CCL19: variants seen among roughly 807,000 people sequenced by gnomAD.
CCL19 encodes the protein C-C motif chemokine ligand 19, also known as C-C motif chemokine 19.
CCL19 carries 5 observed loss-of-function variants against 9.7 expected under a neutral mutation model. That is an observed-to-expected ratio of 0.51 (90% confidence interval 0.27 to 1.08). The LOEUF (loss-of-function observed/expected upper bound fraction) is 1.08. Among genes scored for constraint, CCL19 ranks in the 50% least tolerant of loss-of-function variants. The pLI is 0.12. For synonymous variants in CCL19, 40 were observed against 47.4 expected (o/e 0.84, Z 0.64); for missense variants, 90 against 122.5 (o/e 0.73, Z 1.25).
At chr9:34,690,126 G>C in intron 2 of CCL19, 84 bp downstream of exon 2, 1 of 1,588,860 alleles carries the variant, frequency 6.3e-7, no homozygotes, top group African/African-American at 1.3e-5. Context: ...GTTGGGCTTG[G>C]CATGGAGAAG....
Position 34,689,966 on chromosome 9 carries a change from TTCTACCCAGGGCTGG to T in CCL19, c.225_239del (p.Asp75_Val79del), listed in dbSNP as rs1226201256. 6.2e-7 allele frequency: 1 copy of T among 1,614,022 alleles called. No individual in the cohort carries two copies. The highest frequency in any genetic ancestry group is 8.5e-7 in the Non-Finnish European group (1 of 1,179,986). ...TCCTCTGCAGTCTCTGGATGATGCG[TTCTACCCAGGGCTGG>T]TCTGGGGGTGCACAGAGCTGGCGGC... is the stretch of plus-strand genomic sequence containing the variant. On this transcript the variant is annotated inframe_deletion, in exon 3 of 4. Coordinates refer to ENST00000311925, the MANE Select transcript of CCL19 (RefSeq NM_006274.3). The surrounding 1 kb of genome is among the most constrained non-coding windows in gnomAD (Gnocchi z 4.1).
In CCL19 at chr9:34,691,116, G is replaced by A; in HGVS notation, c.24C>T (p.Ser8=). The change falls in exon 1 of 4, where the codon AGC becomes AGT. Residue 8 remains serine (S), a synonymous_variant. Transcript: ENST00000311925. MALLLAL[S]LLVLWTSPAP... Reference sequence around the variant, plus strand: ...CTGGGGAAGTCCAGAGAACCAGCAGGCTGAGGGCCAGTAGCAGGGCCATGG... The same window carrying A: ...CTGGGGAAGTCCAGAGAACCAGCAGACTGAGGGCCAGTAGCAGGGCCATGG... The A allele has an allele frequency of 6.2e-7, 1 of 1,613,084 alleles. No individual in the cohort carries two copies. The highest frequency in any genetic ancestry group is 8.5e-7 in the Non-Finnish European group (1 of 1,179,640).
chr9:34,689,710 G>T lies in CCL19; in HGVS notation c.*109C>A. 1 of 1,308,892 alleles carries T rather than the reference G, an allele frequency of 7.6e-7. No individual in the cohort carries two copies. The highest frequency in any genetic ancestry group is 1.1e-6 in the Non-Finnish European group (1 of 916,972). 81.1% of individuals were successfully genotyped at this position (1,308,892 alleles called of 1,614,324 possible). On this transcript the variant is annotated 3_prime_UTR_variant, in exon 4 of 4. Transcript: ENST00000311925. This position sits in a 1 kb window ranked among gnomAD's most constrained non-coding sequence, Gnocchi z 4.1. ...CCTGTCCTGGCTGGTCAGGTCTGGTGCAGAGGAGCTGGAAGCCTGGTCCTT... is the reference window on the plus strand; with the variant it reads ...CCTGTCCTGGCTGGTCAGGTCTGGTTCAGAGGAGCTGGAAGCCTGGTCCTT...
intron 1 of CCL19, 144 bp from the exon 2 acceptor site, chr9:34,690,486 G>T: frequency 1.3e-6 from 1 of 760,116 alleles, no homozygotes; most frequent in Non-Finnish European, 2.1e-6. Flanking sequence ...GGGTCGGGGA[G>T]GAGTTAGACC....
chr9:34,690,489 G>T, intron 1 of CCL19, 147 bp from the exon 2 acceptor site: 1 of 726,908 alleles, frequency 1.4e-6, no homozygotes, highest in Non-Finnish European at 2.3e-6. Context: ...TCGGGGAGGA[G>T]TTAGACCTGG....
In CCL19 at chr9:34,691,252, G is replaced by A; in HGVS notation, c.-113C>T. ...CTGGGATGCAGGGGTGAAATGCAAG[G>A]TGTGAGTGATGTGAGGCTGGGAATG... On this transcript the variant is annotated 5_prime_UTR_variant, in exon 1 of 4. Transcript: ENST00000311925. 1 of 831,676 alleles carries A rather than the reference G, an allele frequency of 1.2e-6. No individual in the cohort carries two copies. Among genetic ancestry groups the A allele is most frequent in the African/African-American group, 1.7e-5 (1 of 59,230 alleles). The allele number at this position is 831,676 out of a possible 1,614,324, so 51.5% of individuals were successfully genotyped here. A position where few individuals can be genotyped will look rare whatever the true frequency, so the allele number is the denominator to read the frequency against.
chr9:34,690,087 G>A (rs1821776590), intron 2 of CCL19, 64 bp from the exon 3 acceptor site: 1 of 1,590,936 alleles, frequency 6.3e-7, no homozygotes, highest in Non-Finnish European at 8.6e-7. Flanking sequence ...CCATGTCTGG[G>A]AACCTGTTTC....
At position 34,689,603 on chromosome 9, in the gene CCL19, C is replaced by A; in HGVS notation, c.*216G>T. The A allele has an allele frequency of 1.7e-6, 1 of 573,068 alleles. No individual in the cohort carries two copies. Among genetic ancestry groups the A allele is most frequent in the Non-Finnish European group, 3.1e-6 (1 of 322,472 alleles). The allele number at this position is 573,068 out of a possible 1,614,324, so 35.5% of individuals were successfully genotyped here. On this transcript the variant is annotated 3_prime_UTR_variant, in exon 4 of 4. Transcript: ENST00000311925. The surrounding 1 kb of genome is among the most constrained non-coding windows in gnomAD (Gnocchi z 4.1). The stretch of plus-strand genomic sequence containing the variant: ...AAACACCAGGCGGCTTTATTGGTAG[C>A]ATTGCAATCTGGGGGTGGAGCAGCT...
Position 34,691,247 on chromosome 9 carries a change from G to T in CCL19, c.-108C>A. ...GGCGACTGGGATGCAGGGGTGAAAT[G>T]CAAGGTGTGAGTGATGTGAGGCTGG... On this transcript the variant is annotated 5_prime_UTR_variant, in exon 1 of 4. Transcript: ENST00000311925. 1.1e-6 allele frequency: 1 copy of T among 904,822 alleles called. No individual in the cohort carries two copies. Among genetic ancestry groups the T allele is most frequent in the Non-Finnish European group, 1.7e-6 (1 of 574,768 alleles). 56.0% of individuals were successfully genotyped at this position (904,822 alleles called of 1,614,324 possible).
In CCL19 at chr9:34,689,783, G is replaced by C. The variant is rs375827933; in HGVS notation, c.*36C>G. Reference sequence around the variant, plus strand: ...GGTTAGGTAATAATTCACAATGCTTGACTCGGACTCCGGGCTCCCTCTGCA... The same window carrying C: ...GGTTAGGTAATAATTCACAATGCTTCACTCGGACTCCGGGCTCCCTCTGCA... On this transcript the variant is annotated 3_prime_UTR_variant, in exon 4 of 4. Transcript: ENST00000311925. The surrounding 1 kb of genome is among the most constrained non-coding windows in gnomAD (Gnocchi z 4.1). 493 of 1,613,510 alleles carry C rather than the reference G, an allele frequency of 3.1e-4. No individual in the cohort carries two copies. In the African/African-American group the frequency reaches 5.7e-3, roughly 19 times the overall value.
chr9:34,689,774 A>C lies in CCL19; in HGVS notation c.*45T>G. The stretch of plus-strand genomic sequence containing the variant: ...GGTTCCCCAGGTTAGGTAATAATTC[A>C]CAATGCTTGACTCGGACTCCGGGCT... On this transcript the variant is annotated 3_prime_UTR_variant, in exon 4 of 4. Coordinates refer to ENST00000311925, the MANE Select transcript of CCL19 (RefSeq NM_006274.3). The surrounding 1 kb of genome is among the most constrained non-coding windows in gnomAD (Gnocchi z 4.1). 1 of 1,612,644 alleles carries C rather than the reference A, an allele frequency of 6.2e-7. No individual in the cohort carries two copies. The highest frequency in any genetic ancestry group is 8.5e-7 in the Non-Finnish European group (1 of 1,178,880).
chr9:34,690,075 G>A (rs745683871), intron 2 of CCL19, 52 bp from the exon 3 acceptor site: 2 of 1,595,422 alleles, frequency 1.3e-6, no homozygotes, highest in Admixed American at 1.7e-5. Flanking sequence ...CATGCCTGGG[G>A]ACCATGTCTG....
rs754868211 is a variant in CCL19, at chr9:34,691,180, G to A, written c.-41C>T. 23 of 1,596,112 alleles carry A rather than the reference G, an allele frequency of 1.4e-5. No individual in the cohort carries two copies. Among genetic ancestry groups the A allele is most frequent in the East Asian group, 2.2e-5 (1 of 44,658 alleles). On this transcript the variant is annotated 5_prime_UTR_variant, in exon 1 of 4. Transcript: ENST00000311925. Reference sequence around the variant, plus strand: ...GCAGGCCAACGGTGAATGTGTGAGCGCCAGCTGTCTGGGTGTGTGCAGGAT... The same window carrying A: ...GCAGGCCAACGGTGAATGTGTGAGCACCAGCTGTCTGGGTGTGTGCAGGAT...
Position 34,690,280 on chromosome 9 carries a change from T to G in CCL19, c.112A>C (p.Ile38Leu). The G allele has an allele frequency of 6.2e-7, 1 of 1,613,750 alleles. No individual in the cohort carries two copies. Among genetic ancestry groups the G allele is most frequent in the Non-Finnish European group, 8.5e-7 (1 of 1,179,718 alleles). Residue 38 changes from isoleucine (I) to leucine (L), a missense_variant, in exon 2 of 4, where the codon ATC (isoleucine) becomes CTC (leucine). Coordinates refer to ENST00000311925, the MANE Select transcript of CCL19 (RefSeq NM_006274.3). Reference sequence around the variant, plus strand: ...AAGTTCCTCACGATGTACCCAGGGATGGGTTTCTGGGTCACAGACAGGCAG... The same window carrying G: ...AAGTTCCTCACGATGTACCCAGGGAGGGGTTTCTGGGTCACAGACAGGCAG... ...DCCLSVTQKP[I>L]PGYIVRNFHY... is the part of the protein sequence containing the mutation.
In CCL19 at chr9:34,689,831, G is replaced by C; in HGVS notation, c.285C>G (p.Arg95=). The C allele has an allele frequency of 6.2e-7, 1 of 1,614,194 alleles. No individual in the cohort carries two copies. The highest frequency in any genetic ancestry group is 8.5e-7 in the Non-Finnish European group (1 of 1,180,040). The change falls in exon 4 of 4, where the codon CGC becomes CGG. Residue 95 remains arginine, a synonymous_variant. Transcript: ENST00000311925. This position sits in a 1 kb window ranked among gnomAD's most constrained non-coding sequence, Gnocchi z 4.1. ...GCACGGTCATAGGTTAACTGCTGCG[G>C]CGCTTCATCTAGAGGAGGAAGGAGA... The part of the protein sequence containing the change: ...RLQRTSAKMK[R]RSS
rs200320850 is a variant in CCL19 at position 34,690,003 on chromosome 9, C to A, written c.203G>T (p.Arg68Leu). 1 of 1,613,968 alleles carries A rather than the reference C, an allele frequency of 6.2e-7. No individual in the cohort carries two copies. The highest frequency in any genetic ancestry group is 8.5e-7 in the Non-Finnish European group (1 of 1,179,984). Residue 68 changes from arginine (R) to leucine (L), a missense_variant, in exon 3 of 4, where the codon CGC (arginine) becomes CTC (leucine). Coordinates refer to ENST00000311925, the MANE Select transcript of CCL19 (RefSeq NM_006274.3). The stretch of plus-strand genomic sequence containing the variant: ...CTGGTCTGGGGGTGCACAGAGCTGG[C>A]GGCCCCTCAGTGTGGTGAACCTGGG... Reference protein sequence around the residue: ...PAVVFTTLRGRQLCAPPDQPW... With the variant: ...PAVVFTTLRGLQLCAPPDQPW...
At chr9:34,690,996 G>A in intron 1 of CCL19, 95 bp downstream of exon 1, 14 of 1,097,924 alleles carry the variant, frequency 1.3e-5, no homozygotes, top group Non-Finnish European at 1.7e-5. Flanking sequence ...AACTCACCAT[G>A]TCCCTTACGT....
At chr9:34,690,423 C>CGTGTGTGTGT (rs1564113010) in intron 1 of CCL19, 81 bp from the exon 2 acceptor site, 2 of 913,182 alleles carry the variant, frequency 2.2e-6, no homozygotes, top group Non-Finnish European at 1.6e-6. Flanking sequence ...ATTGAGGACA[C>CGTGTGTGTGT]CTGTGTGTGT....
At position 34,691,224 on chromosome 9, in the gene CCL19, C is replaced by T. The variant is rs149476060; in HGVS notation, c.-85G>A. 1.2e-3 allele frequency: 1,527 copies of T among 1,233,762 alleles called. 5 individuals are homozygous for T. Among genetic ancestry groups the T allele is most frequent in the African/African-American group, 9.1e-3 (617 of 67,454 alleles). The allele number at this position is 1,233,762 out of a possible 1,614,324, so 76.4% of individuals were successfully genotyped here. On this transcript the variant is annotated 5_prime_UTR_variant, in exon 1 of 4. Coordinates refer to ENST00000311925, the MANE Select transcript of CCL19 (RefSeq NM_006274.3). The stretch of plus-strand genomic sequence containing the variant: ...GCAGGATCTGTGTGAGGCTGCAGGG[C>T]GACTGGGATGCAGGGGTGAAATGCA...
Sources: allele counts gnomAD v4.1 joint callset, GRCh38; gene constraint gnomAD v4.1.1; non-coding constraint Gnocchi (gnomAD v3.1); transcripts MANE v1.5; gene names NCBI Gene and HGNC (gene_info 2026-07-23, HGNC 2026-07-21).